Variants in NUDT16 observed in about 807,000 individuals in gnomAD.
NUDT16 encodes the protein U8 snoRNA-decapping enzyme.
NUDT16 carries 12 observed loss-of-function variants against 11.7 expected under a neutral mutation model. The observed-to-expected ratio is 1.03, with a 90% CI of 0.66 to 1.67. The LOEUF is 1.67. Among genes scored for constraint, NUDT16 ranks in the 40% most tolerant of loss-of-function variants. The probability of loss-of-function intolerance (pLI) is 0.00; values close to 1 mark genes in which losing one functional copy is unlikely to be tolerated. For missense variants in NUDT16, 303 were observed against 268.9 expected (o/e 1.13, Z -0.89); for synonymous variants, 129 against 122.6 (o/e 1.05, Z -0.35).
chr3:131,382,405 C>G (rs567996376), intron 2 of NUDT16, 90 bp downstream of exon 2: 63 of 1,564,242 alleles, frequency 4.0e-5, no homozygotes, highest in Non-Finnish European at 4.9e-5. Context: ...GGAGAAAAGT[C>G]TTTGCCCCTC....
chr3:131,384,869 G>A lies in NUDT16; in HGVS notation c.*1528G>A, dbSNP rs1464168733. 6.6e-6 allele frequency: 1 copy of A among 152,278 alleles called. No homozygotes were observed. Among genetic ancestry groups the A allele is most frequent in the Non-Finnish European group, 1.5e-5 (1 of 68,116 alleles). 9.4% of individuals were successfully genotyped at this position (152,278 alleles called of 1,614,324 possible). On this transcript the variant is annotated 3_prime_UTR_variant, in exon 3 of 3. Coordinates refer to ENST00000521288, the MANE Select transcript of NUDT16 (RefSeq NM_152395.3). Reference sequence around the variant, plus strand: ...GGCAACAGCAGAAGGGCAGGGCAAGGCTGAGCTCTGAGATGGTCAGTTTAG... The same window carrying A: ...GGCAACAGCAGAAGGGCAGGGCAAGACTGAGCTCTGAGATGGTCAGTTTAG...
Position 131,383,012 on chromosome 3 carries a change from G to A in NUDT16, c.409-150G>A. 6.0e-6 allele frequency: 5 copies of A among 828,910 alleles called. No homozygotes were observed. The highest frequency in any genetic ancestry group is 9.5e-6 in the Non-Finnish European group (5 of 523,662). The allele number at this position is 828,910 out of a possible 1,614,324, so 51.3% of individuals were successfully genotyped here. A position where few individuals can be genotyped will look rare whatever the true frequency, so the allele number is the denominator to read the frequency against. ...GTTTTGGGTCATTTTCCTGCAGAAG[G>A]TTGGGCCACTAGGCTTTAGTGAGGT... On this transcript the variant is annotated intron_variant, in intron 2 of 2. Coordinates refer to ENST00000521288, the MANE Select transcript of NUDT16 (RefSeq NM_152395.3). This position sits in a 1 kb window ranked among gnomAD's most constrained non-coding sequence, Gnocchi z 4.4.
chr3:131,383,633 G>C lies in NUDT16; in HGVS notation c.*292G>C. On this transcript the variant is annotated 3_prime_UTR_variant, in exon 3 of 3. Transcript: ENST00000521288. This position sits in a 1 kb window ranked among gnomAD's most constrained non-coding sequence, Gnocchi z 4.4. ...CCCCAGGCATGCAAATATACAATCT[G>C]TAACAACACACAGCCTGACACCTTC... The C allele has an allele frequency of 1.7e-6, 1 of 600,946 alleles. No homozygotes were observed. The highest frequency in any genetic ancestry group is 2.0e-5 in the South Asian group (1 of 49,288). 37.2% of individuals were successfully genotyped at this position (600,946 alleles called of 1,614,324 possible).
At position 131,388,454 on chromosome 3, in the gene NUDT16, T is replaced by G. The variant is rs562207773; in HGVS notation, c.*5113T>G. Reference sequence around the variant, plus strand: ...ACAAAAAGATAAAAACTAAAAAGCATCAGACTGTTTTTTGTGTGAAGGAAA... The same window carrying G: ...ACAAAAAGATAAAAACTAAAAAGCAGCAGACTGTTTTTTGTGTGAAGGAAA... On this transcript the variant is annotated 3_prime_UTR_variant, in exon 3 of 3. Transcript: ENST00000521288. 2.0e-5 allele frequency: 3 copies of G among 152,322 alleles called. No individual in the cohort carries two copies. Among genetic ancestry groups the G allele is most frequent in the Admixed American group, 1.3e-4 (2 of 15,298 alleles). The allele number at this position is 152,322 out of a possible 1,614,324, so 9.4% of individuals were successfully genotyped here.
chr3:131,387,846 A>G lies in NUDT16; in HGVS notation c.*4505A>G, dbSNP rs1246960773. On this transcript the variant is annotated 3_prime_UTR_variant, in exon 3 of 3. Coordinates refer to ENST00000521288, the MANE Select transcript of NUDT16 (RefSeq NM_152395.3). ...AAGGGAGAACAGGTGAATGACCCCA[A>G]TTGTTTGAAACCAAAAGAGCAGAAT... 6.6e-6 allele frequency: 1 copy of G among 152,092 alleles called. No individual in the cohort carries two copies. Among genetic ancestry groups the G allele is most frequent in the African/African-American group, 2.4e-5 (1 of 41,370 alleles). 9.4% of individuals were successfully genotyped at this position (152,092 alleles called of 1,614,324 possible).
Position 131,386,795 on chromosome 3 carries a change from G to C in NUDT16, c.*3454G>C, listed in dbSNP as rs2110662509. On this transcript the variant is annotated 3_prime_UTR_variant, in exon 3 of 3. Transcript: ENST00000521288. ...TGGTCACTTGGCATATGGCAAAGCT[G>C]CTGCTGTGGGCTGGAACATTTGAGG... 1 of 152,360 alleles carries C rather than the reference G, an allele frequency of 6.6e-6. No individual in the cohort carries two copies. Among genetic ancestry groups the C allele is most frequent in the East Asian group, 1.9e-4 (1 of 5,184 alleles). The allele number at this position is 152,360 out of a possible 1,614,324, so 9.4% of individuals were successfully genotyped here.
rs2097458964 is a variant in NUDT16, at chr3:131,384,883, T to C, written c.*1542T>C. 2 of 152,202 alleles carry C rather than the reference T, an allele frequency of 1.3e-5. No homozygotes were observed. Among genetic ancestry groups the C allele is most frequent in the Admixed American group, 1.3e-4 (2 of 15,282 alleles). 9.4% of individuals were successfully genotyped at this position (152,202 alleles called of 1,614,324 possible). On this transcript the variant is annotated 3_prime_UTR_variant, in exon 3 of 3. Transcript: ENST00000521288. The stretch of plus-strand genomic sequence containing the variant: ...GGCAGGGCAAGGCTGAGCTCTGAGA[T>C]GGTCAGTTTAGAGTAGGATGCTGGG...
rs536230002 is a variant in NUDT16, at chr3:131,381,797, G to A, written c.-8G>A. On this transcript the variant is annotated 5_prime_UTR_variant, in exon 1 of 3. Coordinates refer to ENST00000521288, the MANE Select transcript of NUDT16 (RefSeq NM_152395.3). ...GCCTTCGGGACAGCAGAGGAGCAGT[G>A]TCCGGCCATGGCCGGAGCCCGCAGG... The A allele has an allele frequency of 2.6e-6, 4 of 1,545,572 alleles. No homozygotes were observed. The East Asian group carries it at 9.6e-5, about 37-fold the overall frequency.
At chr3:131,382,560 T>C (rs1173803834) in intron 2 of NUDT16, 24 of 1,535,234 alleles carry the variant, frequency 1.6e-5, no homozygotes, top group Non-Finnish European at 2.0e-5. Flanking sequence ...CACTCATCCA[T>C]GTCTCTCTGC....
At chr3:131,381,971 C>T (rs1242598975) in intron 1 of NUDT16, 29 bp downstream of exon 1, 3 of 1,601,274 alleles carry the variant, frequency 1.9e-6, no homozygotes, top group Non-Finnish European at 2.6e-6. Context: ...CGGCCACTTT[C>T]TGCCTGAGCC....
At position 131,386,545 on chromosome 3, in the gene NUDT16, G is replaced by C. The variant is rs1342124178; in HGVS notation, c.*3204G>C. On this transcript the variant is annotated 3_prime_UTR_variant, in exon 3 of 3. Transcript: ENST00000521288. ...GCAGCACTTGGGATAAGCTTGCAGA[G>C]ATGCATTGAGCGGTATGAAAGTACA... The C allele has an allele frequency of 2.0e-5, 3 of 152,238 alleles. No homozygotes were observed. The highest frequency in any genetic ancestry group is 6.5e-5 in the Admixed American group (1 of 15,288). The allele number at this position is 152,238 out of a possible 1,614,324, so 9.4% of individuals were successfully genotyped here. A position where few individuals can be genotyped will look rare whatever the true frequency, so the allele number is the denominator to read the frequency against.
In NUDT16 at chr3:131,386,658, G is replaced by A. The variant is rs1361916763; in HGVS notation, c.*3317G>A. On this transcript the variant is annotated 3_prime_UTR_variant, in exon 3 of 3. Coordinates refer to ENST00000521288, the MANE Select transcript of NUDT16 (RefSeq NM_152395.3). The stretch of plus-strand genomic sequence containing the variant: ...CGCCTCTCCACAAACACGTGTTTCT[G>A]CCTTTCTCAGCATAATCAGCAAGAT... 6.6e-6 allele frequency: 1 copy of A among 152,256 alleles called. No individual in the cohort carries two copies. Among genetic ancestry groups the A allele is most frequent in the African/African-American group, 2.4e-5 (1 of 41,446 alleles). 9.4% of individuals were successfully genotyped at this position (152,256 alleles called of 1,614,324 possible). A position where few individuals can be genotyped will look rare whatever the true frequency, so the allele number is the denominator to read the frequency against.
Position 131,382,084 on chromosome 3 carries a change from C to T in NUDT16, c.177C>T (p.Gly59=). The part of the protein sequence containing the change: ...MRFDGRLGFP[G]GFVDTQDRSL... Reference sequence around the variant, plus strand: ...TCGATGGACGCCTGGGCTTCCCCGGCGGATTCGTGGACACGCAGGACAGAA... The same window carrying T: ...TCGATGGACGCCTGGGCTTCCCCGGTGGATTCGTGGACACGCAGGACAGAA... Residue 59 remains glycine, a synonymous_variant, in exon 2 of 3, where the codon GGC becomes GGT. Coordinates refer to ENST00000521288, the MANE Select transcript of NUDT16 (RefSeq NM_152395.3). 2 of 1,585,836 alleles carry T rather than the reference C, an allele frequency of 1.3e-6. No homozygotes were observed. The highest frequency in any genetic ancestry group is 8.6e-7 in the Non-Finnish European group (1 of 1,165,398).
chr3:131,383,546 G>T lies in NUDT16; in HGVS notation c.*205G>T. ...GGGCAAAAAGTCACAGCTTATCCCAGGCACCCTGGCAGGTTCTCAGAGCCT... is the reference window on the plus strand; with the variant it reads ...GGGCAAAAAGTCACAGCTTATCCCATGCACCCTGGCAGGTTCTCAGAGCCT... On this transcript the variant is annotated 3_prime_UTR_variant, in exon 3 of 3. Coordinates refer to ENST00000521288, the MANE Select transcript of NUDT16 (RefSeq NM_152395.3). The surrounding 1 kb of genome is among the most constrained non-coding windows in gnomAD (Gnocchi z 4.4). 1 of 1,220,146 alleles carries T rather than the reference G, an allele frequency of 8.2e-7. No individual in the cohort carries two copies. The allele number at this position is 1,220,146 out of a possible 1,614,324, so 75.6% of individuals were successfully genotyped here.
At chr3:131,382,802 C>G in intron 2 of NUDT16, 1 of 1,001,040 alleles carries the variant, frequency 1.0e-6, no homozygotes, top group Non-Finnish European at 1.4e-6. Context: ...GGTGGTGGGG[C>G]GGGGGGAGAG....
chr3:131,384,892 T>C lies in NUDT16; in HGVS notation c.*1551T>C, dbSNP rs2097458973. Reference sequence around the variant, plus strand: ...AGGCTGAGCTCTGAGATGGTCAGTTTAGAGTAGGATGCTGGGCACTCAGGT... The same window carrying C: ...AGGCTGAGCTCTGAGATGGTCAGTTCAGAGTAGGATGCTGGGCACTCAGGT... On this transcript the variant is annotated 3_prime_UTR_variant, in exon 3 of 3. Transcript: ENST00000521288. 1 of 152,120 alleles carries C rather than the reference T, an allele frequency of 6.6e-6. No homozygotes were observed. The highest frequency in any genetic ancestry group is 2.4e-5 in the African/African-American group (1 of 41,400). 9.4% of individuals were successfully genotyped at this position (152,120 alleles called of 1,614,324 possible).
rs2097455246 is a variant in NUDT16, at chr3:131,381,798, T to C, written c.-7T>C. The stretch of plus-strand genomic sequence containing the variant: ...CCTTCGGGACAGCAGAGGAGCAGTG[T>C]CCGGCCATGGCCGGAGCCCGCAGGC... On this transcript the variant is annotated 5_prime_UTR_variant, in exon 1 of 3. Transcript: ENST00000521288. 1 of 1,546,192 alleles carries C rather than the reference T, an allele frequency of 6.5e-7. No individual in the cohort carries two copies. The highest frequency in any genetic ancestry group is 1.4e-5 in the African/African-American group (1 of 73,504).
In NUDT16 at chr3:131,383,503, T is replaced by C; in HGVS notation, c.*162T>C. On this transcript the variant is annotated 3_prime_UTR_variant, in exon 3 of 3. Transcript: ENST00000521288. This position sits in a 1 kb window ranked among gnomAD's most constrained non-coding sequence, Gnocchi z 4.4. ...ACCATATGTTTTGAGCAGAGGACCCTCCAACTTATGGCATCAGGGGCAAAA... is the reference window on the plus strand; with the variant it reads ...ACCATATGTTTTGAGCAGAGGACCCCCCAACTTATGGCATCAGGGGCAAAA... 6.8e-7 allele frequency: 1 copy of C among 1,479,062 alleles called. No homozygotes were observed. The highest frequency in any genetic ancestry group is 1.4e-5 in the African/African-American group (1 of 71,502). 91.6% of individuals were successfully genotyped at this position (1,479,062 alleles called of 1,614,324 possible). A position where few individuals can be genotyped will look rare whatever the true frequency, so the allele number is the denominator to read the frequency against.
chr3:131,386,677 G>T lies in NUDT16; in HGVS notation c.*3336G>T, dbSNP rs2097460126. ...GTTTCTGCCTTTCTCAGCATAATCA[G>T]CAAGATGTTCCCACTTCTCAGCATT... On this transcript the variant is annotated 3_prime_UTR_variant, in exon 3 of 3. Coordinates refer to ENST00000521288, the MANE Select transcript of NUDT16 (RefSeq NM_152395.3). 1 of 152,230 alleles carries T rather than the reference G, an allele frequency of 6.6e-6. No individual in the cohort carries two copies. Among genetic ancestry groups the T allele is most frequent in the African/African-American group, 2.4e-5 (1 of 41,442 alleles). 9.4% of individuals were successfully genotyped at this position (152,230 alleles called of 1,614,324 possible).
Sources: allele counts gnomAD v4.1 joint callset, GRCh38; gene constraint gnomAD v4.1.1; non-coding constraint Gnocchi (gnomAD v3.1); transcripts MANE v1.5; gene names NCBI Gene and HGNC (gene_info 2026-07-23, HGNC 2026-07-21).